Variants in TPCN1 observed in about 807,000 individuals in gnomAD.
TPCN1 encodes the protein two pore channel protein 1.
Under a neutral mutation model 108.8 loss-of-function variants are expected in TPCN1, and 52 were observed. The ratio of observed to expected loss-of-function variants is 0.48; its 90% confidence interval spans 0.38 to 0.60. The LOEUF (loss-of-function observed/expected upper bound fraction) is 0.60, where lower values mean the gene tolerates loss of function less well. Among genes scored for constraint, TPCN1 ranks in the 20% least tolerant of loss-of-function variants. The pLI is 0.00. For synonymous variants in TPCN1, 446 were observed against 433.7 expected (o/e 1.03, Z -0.35); for missense variants, 806 against 1,072.8 (o/e 0.75, Z 3.47).
At chr12:113,267,380 TTTATC>T (rs1297292790) in intron 4 of TPCN1, among the ~76,000 whole-genome samples, 4 of 152,048 alleles carry the variant, frequency 2.6e-5, no homozygotes, top group Non-Finnish European at 2.9e-5. Context: ...GATATTAAAT[TTTATC>T]TTATCTTGTT....
At chr12:113,224,471 A>G (rs1953394821) in intron 1 of TPCN1, among the ~76,000 whole-genome samples, 1 of 151,816 alleles carries the variant, frequency 6.6e-6, no homozygotes, top group African/African-American at 2.4e-5. Flanking sequence ...ATCTCGGCTC[A>G]CTGCAAGCTC....
intron 1 of TPCN1, among the ~76,000 whole-genome samples, chr12:113,222,978 T>G (rs899244620): frequency 2.0e-5 from 3 of 152,234 alleles, no homozygotes; most frequent in Non-Finnish European, 4.4e-5. Context: ...TTCTCTGCAC[T>G]TTTGAGAATG....
chr12:113,284,094 C>T lies in TPCN1; in HGVS notation c.1343-487C>T, dbSNP rs777582020. 3.3e-5 allele frequency among the ~76,000 whole-genome samples: 5 copies of T among 152,186 alleles called. No individual in the cohort carries two copies. The highest frequency in any genetic ancestry group is 5.9e-5 in the Non-Finnish European group (4 of 68,024). Reference sequence around the variant, plus strand: ...GTGTTTTGCTATCACAATAGTGCTGCGGTGAGTAGCTTTCAGATACATCTT... The same window carrying T: ...GTGTTTTGCTATCACAATAGTGCTGTGGTGAGTAGCTTTCAGATACATCTT... On this transcript the variant is annotated intron_variant, in intron 15 of 27. Coordinates refer to ENST00000335509, the MANE Select transcript of TPCN1 (RefSeq NM_017901.6). This position sits in a 1 kb window ranked among gnomAD's most constrained non-coding sequence, Gnocchi z 4.1.
At chr12:113,260,256 G>A (rs923822533) in intron 2 of TPCN1, 112 bp from the exon 3 acceptor site, 21 of 1,209,420 alleles carry the variant, frequency 1.7e-5, no homozygotes, top group East Asian at 5.7e-5. Context: ...TGAAGATGAC[G>A]GGATGTCCAT....
chr12:113,264,827 A>G (rs16942682), intron 3 of TPCN1, among the ~76,000 whole-genome samples: 2,371 of 152,266 alleles, frequency 0.016, 47 homozygotes, highest in African/African-American at 0.054. Flanking sequence ...GCAATACGCC[A>G]CTGTGCAGCT....
rs557415612 is a variant in TPCN1 at position 113,280,064 on chromosome 12, G to T, written c.1298-87G>T. 48 of 1,082,266 alleles carry T rather than the reference G, an allele frequency of 4.4e-5. No individual in the cohort carries two copies. The East Asian group carries it at 1.1e-3, about 25-fold the overall frequency. 67.0% of individuals were successfully genotyped at this position (1,082,266 alleles called of 1,614,324 possible). On this transcript the variant is annotated intron_variant, in intron 14 of 27. Transcript: ENST00000335509. The stretch of plus-strand genomic sequence containing the variant: ...AAGAGTGTGGTAGGTGGTTGCACCT[G>T]CCCAGAAAGAGATAATAATAATTAA...
chr12:113,282,087 A>ATTTTTTT (rs1247829773), intron 15 of TPCN1, among the ~76,000 whole-genome samples: 1 of 92,070 alleles, frequency 1.1e-5, no homozygotes, highest in African/African-American at 4.5e-5. Flanking sequence ...CACCCGGCTA[A>ATTTTTTT]TTTTTTTTTT....
chr12:113,243,920 A>G (rs577782511), intron 2 of TPCN1, among the ~76,000 whole-genome samples: 27 of 152,100 alleles, frequency 1.8e-4, no homozygotes, highest in African/African-American at 6.3e-4. Context: ...TGATGTGCTC[A>G]TTTCCCAGCC....
intron 1 of TPCN1, among the ~76,000 whole-genome samples, chr12:113,223,908 A>G (rs1217115457): frequency 6.6e-6 from 1 of 152,186 alleles, no homozygotes; most frequent in Non-Finnish European, 1.5e-5. Flanking sequence ...AATACTCACC[A>G]GTTAAAAAAA....
At chr12:113,292,126 T>C in intron 25 of TPCN1, 168 bp downstream of exon 25, 1 of 619,560 alleles carries the variant, frequency 1.6e-6, no homozygotes, top group Non-Finnish European at 2.9e-6. Flanking sequence ...TTGCATTGAT[T>C]TTCAAATATT....
At chr12:113,230,703 G>A (rs191719925) in intron 2 of TPCN1, among the ~76,000 whole-genome samples, 334 of 152,182 alleles carry the variant, frequency 2.2e-3, no homozygotes, top group Non-Finnish European at 2.9e-3. Flanking sequence ...TGATCTATCC[G>A]CCTTGGCCTC....
intron 3 of TPCN1, 124 bp downstream of exon 3, chr12:113,260,616 G>A: frequency 8.0e-7 from 1 of 1,257,796 alleles, no homozygotes; most frequent in Non-Finnish European, 1.1e-6. Flanking sequence ...CTGCTCGTGT[G>A]TGAGCTTCAG....
intron 1 of TPCN1, chr12:113,225,468 T>C (rs1953435483): frequency 3.8e-6 from 1 of 260,002 alleles, no homozygotes; most frequent in Admixed American, 5.0e-5. Flanking sequence ...CCCTTAACTT[T>C]TCAGTATTTG....
At chr12:113,234,319 C>T (rs1168583900) in intron 2 of TPCN1, among the ~76,000 whole-genome samples, 1 of 152,060 alleles carries the variant, frequency 6.6e-6, no homozygotes, top group Non-Finnish European at 1.5e-5. Context: ...AAAATTTGGG[C>T]GGAAAATGGG....
At chr12:113,279,487 C>T (rs971120685) in intron 14 of TPCN1, among the ~76,000 whole-genome samples, 1 of 147,108 alleles carries the variant, frequency 6.8e-6, no homozygotes, top group Non-Finnish European at 1.5e-5. Flanking sequence ...CAACCTCCGC[C>T]TCCCAGATTC....
intron 2 of TPCN1, among the ~76,000 whole-genome samples, chr12:113,234,772 T>C (rs1458366): frequency 0.23 from 34,345 of 152,094 alleles, 4,360 homozygotes; most frequent in African/African-American, 0.35. Flanking sequence ...ACAACTGTGA[T>C]TTATTCTGGC....
intron 2 of TPCN1, among the ~76,000 whole-genome samples, chr12:113,254,186 A>AT (rs1255308479): frequency 3.3e-5 from 5 of 152,262 alleles, no homozygotes; most frequent in African/African-American, 9.6e-5. Flanking sequence ...TTAATATGTA[A>AT]TAAAAACTTT....
rs906728846 is a variant in TPCN1, at chr12:113,232,298, C to T, written c.112+5334C>T. Among the ~76,000 whole-genome samples the T allele has an allele frequency of 6.6e-6, 1 of 152,226 alleles. No individual in the cohort carries two copies. ...TGCAGCCTCAGCAATGTGGAGGATC[C>T]CTGCCCCCTGGCAGGGGCCCCCATG... On this transcript the variant is annotated intron_variant, in intron 2 of 27. Coordinates refer to ENST00000335509, the MANE Select transcript of TPCN1 (RefSeq NM_017901.6). The surrounding 1 kb of genome is among the most constrained non-coding windows in gnomAD (Gnocchi z 5.6).
At chr12:113,221,792 G>T (rs1393633686) in intron 1 of TPCN1, among the ~76,000 whole-genome samples, 166 bp downstream of exon 1, 1 of 152,168 alleles carries the variant, frequency 6.6e-6, no homozygotes, top group Non-Finnish European at 1.5e-5. Context: ...TCTCCGTCCA[G>T]CCCGGGCCGG....
Sources: allele counts gnomAD v4.1 joint callset (sites outside exome capture counted in the v4.1 genomes callset), GRCh38; gene constraint gnomAD v4.1.1; non-coding constraint Gnocchi (gnomAD v3.1); transcripts MANE v1.5; gene names NCBI Gene and HGNC (gene_info 2026-07-23, HGNC 2026-07-21).